KCNN2: variants seen among roughly 807,000 people sequenced by gnomAD.
KCNN2 encodes the protein small conductance calcium-activated potassium channel protein 2.
Under a neutral mutation model 55.5 loss-of-function variants are expected in KCNN2, and 24 were observed. The observed-to-expected ratio is 0.43, with a 90% confidence interval of 0.31 to 0.61. The LOEUF is 0.61. Ranked by LOEUF, KCNN2 falls within the 20% of genes least tolerant of loss-of-function variation. The pLI, the probability that KCNN2 is intolerant of heterozygous loss-of-function variation, is 0.08. For missense variants in KCNN2, 754 were observed against 853.6 expected, an observed-to-expected ratio of 0.88 and a Z score of 1.45; for synonymous variants, 431 against 336.1, an observed-to-expected ratio of 1.28 and a Z score of -3.09.
intron 2 of KCNN2, among the ~76,000 whole-genome samples, chr5:114,242,081 A>G (rs1287327865): frequency 6.6e-6 from 1 of 151,502 alleles, no homozygotes; most frequent in Non-Finnish European, 1.5e-5. Flanking sequence ...TAACACATGC[A>G]AACACAGTGG....
chr5:114,097,760 A>T (rs1160890226), intron 1 of KCNN2, among the ~76,000 whole-genome samples: 1 of 152,096 alleles, frequency 6.6e-6, no homozygotes, highest in East Asian at 1.9e-4. Context: ...AGTGGCCACT[A>T]GCTCCCCCTA....
At chr5:114,323,667 T>TTTTTTTTTTTTTGTG (rs59586293) in intron 2 of KCNN2, among the ~76,000 whole-genome samples, 1 of 140,378 alleles carries the variant, frequency 7.1e-6, no homozygotes, top group Non-Finnish European at 1.5e-5. Context: ...TTTTTTTTTT[T>TTTTTTTTTTTTTGTG]GCTGGTCGGG....
intron 3 of KCNN2, among the ~76,000 whole-genome samples, chr5:114,411,089 G>C (rs1283209675): frequency 6.6e-6 from 1 of 152,118 alleles, no homozygotes; most frequent in Non-Finnish European, 1.5e-5. Flanking sequence ...AATTAGCATA[G>C]AGAACCTGAG....
At chr5:114,108,405 G>A (rs1425410137) in intron 1 of KCNN2, among the ~76,000 whole-genome samples, 1 of 151,930 alleles carries the variant, frequency 6.6e-6, no homozygotes, top group Non-Finnish European at 1.5e-5. Context: ...CACAATTTAT[G>A]CATAGTGAAT....
At chr5:114,386,014 T>TA (rs57593879) in intron 2 of KCNN2, among the ~76,000 whole-genome samples, 4,439 of 148,840 alleles carry the variant, frequency 0.03, 196 homozygotes, top group African/African-American at 0.1. Flanking sequence ...CTGTCTCTAT[T>TA]AAAAAAAAAT....
chr5:114,151,760 G>A (rs1000410497), intron 1 of KCNN2, among the ~76,000 whole-genome samples: 3 of 151,982 alleles, frequency 2.0e-5, no homozygotes, highest in Non-Finnish European at 4.4e-5. Flanking sequence ...TTTCCAAGGA[G>A]TTATCCTGAT....
chr5:114,107,160 C>T (rs2112577547), intron 1 of KCNN2, among the ~76,000 whole-genome samples: 1 of 152,172 alleles, frequency 6.6e-6, no homozygotes, highest in Middle Eastern at 3.4e-3. Flanking sequence ...TATTATTTCT[C>T]ACTGCACTGT....
chr5:114,342,832 C>T (rs1278200945), intron 2 of KCNN2, among the ~76,000 whole-genome samples: 1 of 152,158 alleles, frequency 6.6e-6, no homozygotes, highest in Non-Finnish European at 1.5e-5. Context: ...TAAATGACCA[C>T]TTGCCCTGAT....
intron 2 of KCNN2, among the ~76,000 whole-genome samples, chr5:114,391,177 G>C (rs767571093): frequency 1.3e-5 from 2 of 152,050 alleles, no homozygotes; most frequent in Non-Finnish European, 2.9e-5. Context: ...CATTGCTCTA[G>C]ATCTGTCTTT....
At chr5:114,451,024 G>A (rs532462914) in intron 3 of KCNN2, among the ~76,000 whole-genome samples, 10 of 152,170 alleles carry the variant, frequency 6.6e-5, no homozygotes, top group East Asian at 1.9e-4. Context: ...TAGTGATACC[G>A]TCTGTGTTCT....
chr5:114,094,604 A>C (rs1751218630), intron 1 of KCNN2, among the ~76,000 whole-genome samples: 1 of 152,200 alleles, frequency 6.6e-6, no homozygotes, highest in Non-Finnish European at 1.5e-5. Context: ...AAGTAAAGTG[A>C]TTTTTCAAAG....
At chr5:114,310,580 A>AT (rs1196120409) in intron 2 of KCNN2, among the ~76,000 whole-genome samples, 1 of 152,034 alleles carries the variant, frequency 6.6e-6, no homozygotes, top group Non-Finnish European at 1.5e-5. Flanking sequence ...CCAAAGGTTA[A>AT]TTTTTTTTCA....
chr5:114,208,663 A>T (rs1018968096), intron 1 of KCNN2, among the ~76,000 whole-genome samples: 7 of 152,194 alleles, frequency 4.6e-5, no homozygotes, highest in African/African-American at 1.7e-4. Context: ...TTCTATGAAA[A>T]ATGAGGCTTT....
intron 2 of KCNN2, among the ~76,000 whole-genome samples, chr5:114,280,800 A>AGCTT (rs962765997): frequency 3.3e-5 from 5 of 152,118 alleles, no homozygotes; most frequent in Non-Finnish European, 7.4e-5. Flanking sequence ...CCATGGTTCA[A>AGCTT]GCTTTCCAGG....
chr5:114,105,000 T>G (rs764158762), intron 1 of KCNN2, among the ~76,000 whole-genome samples: 1 of 152,120 alleles, frequency 6.6e-6, no homozygotes, highest in Non-Finnish European at 1.5e-5. Context: ...TCACCTATTC[T>G]GTCTTCTCTT....
intron 1 of KCNN2, among the ~76,000 whole-genome samples, chr5:114,148,970 T>G (rs555805380): frequency 1.3e-5 from 2 of 151,910 alleles, no homozygotes; most frequent in South Asian, 4.2e-4. Flanking sequence ...CAACCAGAAA[T>G]AGGAAGTAAA....
At chr5:114,361,186 C>G (rs1050508936), upstream of KCNN2, 1 of 152,258 alleles carries the variant, frequency 6.6e-6, no homozygotes, top group Non-Finnish European at 1.5e-5. Flanking sequence ...CCTCCGCCCC[C>G]GCCAGGGGGG....
chr5:114,096,239 C>T (rs1452023048), intron 1 of KCNN2, among the ~76,000 whole-genome samples: 1 of 152,136 alleles, frequency 6.6e-6, no homozygotes, highest in Non-Finnish European at 1.5e-5. Context: ...TTTAACGTTT[C>T]AGTGAGATCA....
chr5:114,240,010 C>T (rs1017628755), intron 2 of KCNN2, among the ~76,000 whole-genome samples: 1 of 151,980 alleles, frequency 6.6e-6, no homozygotes, highest in Non-Finnish European at 1.5e-5. Flanking sequence ...AAATTGAGAC[C>T]TTCCCAGTTC....
Sources: allele counts gnomAD v4.1 joint callset (sites outside exome capture counted in the v4.1 genomes callset), GRCh38; gene constraint gnomAD v4.1.1; transcripts MANE v1.5; gene names NCBI Gene and HGNC (gene_info 2026-07-23, HGNC 2026-07-21).